SIPA1L3: variants seen among roughly 807,000 people sequenced by gnomAD.
The protein encoded by SIPA1L3 is signal induced proliferation associated 1 like 3.
A neutral mutation model predicts 150.1 loss-of-function variants in SIPA1L3; 59 were observed. That is an observed-to-expected ratio of 0.39 (90% confidence interval 0.32 to 0.49). The LOEUF is 0.49. Ranked by LOEUF, SIPA1L3 falls within the 20% of genes least tolerant of loss-of-function variation. The probability of loss-of-function intolerance (pLI) is 0.86; values close to 1 mark genes in which losing one functional copy is unlikely to be tolerated. For missense variants in SIPA1L3, 2,211 were observed against 2,489.5 expected (o/e 0.89, Z 2.38); for synonymous variants, 1,070 against 1,077.6 (o/e 0.99, Z 0.14).
At chr19:38,154,263 A>G (rs1971893068) in intron 13 of SIPA1L3, among the ~76,000 whole-genome samples, 1 of 152,178 alleles carries the variant, frequency 6.6e-6, no homozygotes, top group African/African-American at 2.4e-5. Context: ...AATAAGCCAC[A>G]ACTTATTGCC....
chr19:37,924,696 A>T (rs988055816), intron 1 of SIPA1L3, among the ~76,000 whole-genome samples: 1 of 149,248 alleles, frequency 6.7e-6, no homozygotes, highest in Non-Finnish European at 1.5e-5. Context: ...AAAAAAAAGT[A>T]TATATACTAA....
chr19:38,195,603 C>G (rs1372239038), intron 18 of SIPA1L3, among the ~76,000 whole-genome samples: 2 of 152,214 alleles, frequency 1.3e-5, no homozygotes, highest in East Asian at 3.9e-4. Context: ...TGTTCAGTCA[C>G]TGCAAAGGAC....
At chr19:37,918,735 G>A (rs1324633335) in intron 1 of SIPA1L3, among the ~76,000 whole-genome samples, 1 of 151,934 alleles carries the variant, frequency 6.6e-6, no homozygotes, top group Admixed American at 6.6e-5. Context: ...GCCAGGCATG[G>A]TGGTGGGCAC....
At chr19:37,978,361 C>T (rs1328215717) in intron 1 of SIPA1L3, among the ~76,000 whole-genome samples, 4 of 152,176 alleles carry the variant, frequency 2.6e-5, no homozygotes, top group African/African-American at 9.7e-5. Flanking sequence ...GGACTTTTCC[C>T]CATGAATGAC....
intron 1 of SIPA1L3, among the ~76,000 whole-genome samples, chr19:37,950,579 C>T (rs2046754245): frequency 1.3e-5 from 2 of 152,326 alleles, no homozygotes; most frequent in South Asian, 4.1e-4. Context: ...CAGTGCAGCC[C>T]CAGCTCCTGA....
In SIPA1L3 at chr19:38,094,352, G is replaced by A. The variant is rs958618156; in HGVS notation, c.1665+5501G>A. Among the ~76,000 whole-genome samples, 12 of 152,184 alleles carry A rather than the reference G, an allele frequency of 7.9e-5. No individual in the cohort carries two copies. In the South Asian group the frequency reaches 1.4e-3, roughly 18 times the overall value. On this transcript the variant is annotated intron_variant, in intron 4 of 21. Coordinates refer to ENST00000222345, the MANE Select transcript of SIPA1L3 (RefSeq NM_015073.3). ...CAGCCTCGAATTCCCGGGCTCAAGC[G>A]ATCCTCCTGCCTCAGCCTCCCAAGT...
At chr19:37,978,005 A>G (rs536508159) in intron 1 of SIPA1L3, among the ~76,000 whole-genome samples, 1 of 152,338 alleles carries the variant, frequency 6.6e-6, no homozygotes, top group Admixed American at 6.5e-5. Context: ...CCATGTTTGT[A>G]CCTTTAGTCT....
intron 1 of SIPA1L3, among the ~76,000 whole-genome samples, chr19:38,026,638 C>T (rs1399769139): frequency 6.6e-6 from 1 of 152,194 alleles, no homozygotes; most frequent in African/African-American, 2.4e-5. Context: ...CCACACTCCC[C>T]AGTTGTTCTT....
At chr19:37,926,655 A>G (rs955362782) in intron 1 of SIPA1L3, among the ~76,000 whole-genome samples, 8 of 152,078 alleles carry the variant, frequency 5.3e-5, no homozygotes, top group South Asian at 2.1e-4. Context: ...GGAGACTTGC[A>G]AGTCGTTGTG....
intron 1 of SIPA1L3, among the ~76,000 whole-genome samples, chr19:37,956,012 GA>G (rs2046807212): frequency 6.6e-6 from 1 of 152,228 alleles, no homozygotes; most frequent in Admixed American, 6.5e-5. Context: ...AGGGTCTCAT[GA>G]TGTTGTCCAG....
chr19:37,992,817 A>G (rs1967544360), intron 1 of SIPA1L3, among the ~76,000 whole-genome samples: 2 of 152,026 alleles, frequency 1.3e-5, no homozygotes, highest in Non-Finnish European at 2.9e-5. Flanking sequence ...GAAGAACATG[A>G]GCTAAATGGG....
At chr19:38,189,639 G>A (rs1406003533) in intron 16 of SIPA1L3, among the ~76,000 whole-genome samples, 3 of 152,044 alleles carry the variant, frequency 2.0e-5, no homozygotes, top group South Asian at 2.1e-4. Flanking sequence ...GGTGGCAGGC[G>A]CCTGTAATCC....
intron 4 of SIPA1L3, among the ~76,000 whole-genome samples, chr19:38,093,128 G>T (rs1483076054): frequency 1.3e-5 from 2 of 152,100 alleles, no homozygotes; most frequent in Non-Finnish European, 2.9e-5. Context: ...CAAAGTGCCG[G>T]GATTACAGGC....
chr19:38,120,344 T>C (rs1196290383), intron 9 of SIPA1L3, among the ~76,000 whole-genome samples: 1 of 150,918 alleles, frequency 6.6e-6, no homozygotes, highest in Non-Finnish European at 1.5e-5. Flanking sequence ...TGGTGGTACA[T>C]GCCTGTGGTC....
chr19:37,929,732 G>A (rs2046536289), intron 1 of SIPA1L3, among the ~76,000 whole-genome samples: 1 of 152,156 alleles, frequency 6.6e-6, no homozygotes. Context: ...TGGATGAAAG[G>A]AGAGGATGCC....
chr19:37,934,209 CCTT>C (rs1376268187), intron 1 of SIPA1L3, among the ~76,000 whole-genome samples: 1 of 152,098 alleles, frequency 6.6e-6, no homozygotes, highest in Non-Finnish European at 1.5e-5. Context: ...AGGTCAGTGG[CCTT>C]CTTGGATTTC....
intron 1 of SIPA1L3, among the ~76,000 whole-genome samples, chr19:37,945,378 C>T (rs1308974287): frequency 1.3e-5 from 2 of 152,086 alleles, no homozygotes; most frequent in East Asian, 1.9e-4. Flanking sequence ...GGACTACAGG[C>T]GTGTACCACC....
intron 2 of SIPA1L3, among the ~76,000 whole-genome samples, chr19:38,059,167 A>ATTT (rs557869767): frequency 5.6e-5 from 8 of 141,954 alleles, no homozygotes; most frequent in Admixed American, 2.1e-4. Flanking sequence ...TACTCAGCTC[A>ATTT]TTTTTTTTTT....
At chr19:38,021,254 G>A (rs573471536) in intron 1 of SIPA1L3, among the ~76,000 whole-genome samples, 5 of 152,320 alleles carry the variant, frequency 3.3e-5, no homozygotes, top group South Asian at 2.1e-4. Context: ...AAGAGACATT[G>A]TCACCTCAAC....
Sources: allele counts gnomAD v4.1 joint callset (sites outside exome capture counted in the v4.1 genomes callset), GRCh38; gene constraint gnomAD v4.1.1; transcripts MANE v1.5; gene names NCBI Gene and HGNC (gene_info 2026-07-23, HGNC 2026-07-21).